Variants in ROR2 observed in about 807,000 individuals in gnomAD.
ROR2 encodes ROR family WNT receptor 2.
Under a neutral mutation model 74.9 loss-of-function variants are expected in ROR2, and 33 were observed. The ratio of observed to expected loss-of-function variants is 0.44; its 90% CI spans 0.33 to 0.59. The LOEUF (loss-of-function observed/expected upper bound fraction) is 0.59, where lower values mean the gene tolerates loss of function less well. ROR2 is among the 20% of genes least tolerant of loss of function. The pLI, the probability that ROR2 is intolerant of heterozygous loss-of-function variation, is 0.02. For synonymous variants in ROR2, 586 were observed against 558.7 expected, an observed-to-expected ratio of 1.05 and a Z score of -0.69; for missense variants, 1,216 against 1,313.8, an observed-to-expected ratio of 0.93 and a Z score of 1.15.
intron 2 of ROR2, among the ~76,000 whole-genome samples, chr9:91,762,268 A>G (rs914901959): frequency 2.0e-5 from 3 of 152,162 alleles, no homozygotes; most frequent in Non-Finnish European, 4.4e-5. Flanking sequence ...TCTCAAAATA[A>G]TTAACTTAAT....
chr9:91,793,258 G>T (rs1476322033), intron 1 of ROR2, among the ~76,000 whole-genome samples: 1 of 151,970 alleles, frequency 6.6e-6, no homozygotes, highest in East Asian at 1.9e-4. Flanking sequence ...TGGAATTTGA[G>T]AATAGAGAAA....
chr9:91,899,029 G>A (rs866708510), intron 1 of ROR2, among the ~76,000 whole-genome samples: 11 of 152,166 alleles, frequency 7.2e-5, no homozygotes, highest in African/African-American at 1.4e-4. Context: ...AGAGGGCAGC[G>A]GAAATGGCAG....
chr9:91,837,889 A>G (rs951776260), intron 1 of ROR2, among the ~76,000 whole-genome samples: 3 of 152,252 alleles, frequency 2.0e-5, no homozygotes, highest in African/African-American at 7.2e-5. Flanking sequence ...GTGTTCACAC[A>G]TTCTAAGTGG....
At chr9:91,749,988 G>A (rs886796761) in intron 4 of ROR2, among the ~76,000 whole-genome samples, 2 of 152,060 alleles carry the variant, frequency 1.3e-5, no homozygotes, top group Non-Finnish European at 2.9e-5. Flanking sequence ...TGCAACCTCC[G>A]CCTCCCAGGT....
chr9:91,911,307 C>T (rs57126212), intron 1 of ROR2, among the ~76,000 whole-genome samples: 6,056 of 152,288 alleles, frequency 0.04, 403 homozygotes, highest in African/African-American at 0.14. Context: ...GTATACAATA[C>T]TCACACAGAC....
intron 1 of ROR2, among the ~76,000 whole-genome samples, chr9:91,852,650 C>CA (rs1491399294): frequency 0.37 from 54,484 of 148,680 alleles, 11,050 homozygotes; most frequent in African/African-American, 0.55. Context: ...CACACACACA[C>CA]CCACACACAC....
intron 1 of ROR2, among the ~76,000 whole-genome samples, chr9:91,903,915 G>T (rs73519181): frequency 0.063 from 9,567 of 152,218 alleles, 420 homozygotes; most frequent in African/African-American, 0.12. Context: ...TACAGTCAGT[G>T]AACAGCTGAA....
chr9:91,884,139 C>T (rs922145522), intron 1 of ROR2, among the ~76,000 whole-genome samples: 1 of 152,200 alleles, frequency 6.6e-6, no homozygotes, highest in South Asian at 2.1e-4. Flanking sequence ...CCTTTCTTTT[C>T]TCTCTGGTTT....
intron 1 of ROR2, 144 bp from the exon 2 acceptor site, chr9:91,775,962 C>T: frequency 1.4e-6 from 1 of 723,750 alleles, no homozygotes; most frequent in South Asian, 1.5e-5. Context: ...TTATGGTAAC[C>T]TCTAGAGGGA....
intron 1 of ROR2, among the ~76,000 whole-genome samples, chr9:91,876,242 G>A (rs556754540): frequency 8.5e-5 from 13 of 152,062 alleles, no homozygotes; most frequent in Admixed American, 1.3e-4. Context: ...GTGTGCAGGC[G>A]CCTGTAATCC....
chr9:91,828,880 A>G (rs1035069169), intron 1 of ROR2, among the ~76,000 whole-genome samples: 5 of 152,234 alleles, frequency 3.3e-5, no homozygotes, highest in Admixed American at 1.3e-4. Flanking sequence ...TAAAGAGACT[A>G]CTTAGATTAT....
chr9:91,769,411 C>T (rs551131953), intron 2 of ROR2, among the ~76,000 whole-genome samples: 1 of 152,310 alleles, frequency 6.6e-6, no homozygotes, highest in East Asian at 1.9e-4. Context: ...CCTACCTGTG[C>T]CCCTTAAGCA....
At chr9:91,933,986 T>C (rs1053807951) in intron 1 of ROR2, among the ~76,000 whole-genome samples, 1 of 152,186 alleles carries the variant, frequency 6.6e-6, no homozygotes, top group Non-Finnish European at 1.5e-5. Flanking sequence ...CATGATTCAT[T>C]TTATGTTATG....
At chr9:91,791,466 A>G (rs999640662) in intron 1 of ROR2, among the ~76,000 whole-genome samples, 1 of 152,208 alleles carries the variant, frequency 6.6e-6, no homozygotes, top group African/African-American at 2.4e-5. Flanking sequence ...TAAGAGATGC[A>G]TGATCGTATA....
At chr9:91,946,265 C>T (rs1322733307) in intron 1 of ROR2, among the ~76,000 whole-genome samples, 1 of 151,758 alleles carries the variant, frequency 6.6e-6, no homozygotes, top group Non-Finnish European at 1.5e-5. Context: ...TTGGTATTCT[C>T]CACTTGGTGG....
intron 1 of ROR2, among the ~76,000 whole-genome samples, chr9:91,799,751 T>A (rs1444007412): frequency 6.6e-6 from 1 of 152,066 alleles, no homozygotes; most frequent in African/African-American, 2.4e-5. Flanking sequence ...TCTCCATCTC[T>A]CCCCTTTTCT....
Position 91,903,533 on chromosome 9 carries a change from T to G in ROR2, c.97+46334A>C, listed in dbSNP as rs114799251. ...ATTCCTACATCTCCAAATTCTTCCA[T>G]GGAGTATTTTCAAGGCAGACACTTC... On this transcript the variant is annotated intron_variant, in intron 1 of 8. Coordinates refer to ENST00000375708, the MANE Select transcript of ROR2 (RefSeq NM_004560.4). Among the ~76,000 whole-genome samples, 31 of 152,028 alleles carry G rather than the reference T, an allele frequency of 2.0e-4. 1 individual carries two copies. The East Asian group carries it at 6.0e-3, about 29-fold the overall frequency.
At chr9:91,910,853 G>A (rs1413214736) in intron 1 of ROR2, among the ~76,000 whole-genome samples, 1 of 152,004 alleles carries the variant, frequency 6.6e-6, no homozygotes, top group African/African-American at 2.4e-5. Flanking sequence ...TAGTAGAGAC[G>A]GGGTTTCACC....
chr9:91,936,806 G>T (rs549604811), intron 1 of ROR2, among the ~76,000 whole-genome samples: 2 of 151,770 alleles, frequency 1.3e-5, no homozygotes, highest in African/African-American at 4.8e-5. Context: ...CGAGGCGGGC[G>T]GATCACGAGG....
Sources: gnomAD v4.1 joint callset for allele counts (sites outside exome capture counted in the v4.1 genomes callset) on GRCh38, gnomAD v4.1.1 for gene constraint, MANE v1.5 for transcripts, NCBI Gene and HGNC (gene_info 2026-07-23, HGNC 2026-07-21) for gene names.